Variants in ADAMTSL1 observed in about 807,000 individuals in gnomAD.
The protein encoded by ADAMTSL1 is ADAMTS like 1.
ADAMTSL1 carries 126 observed loss-of-function variants against 201.8 expected under a neutral mutation model. That is an observed-to-expected ratio of 0.62 (90% CI 0.54 to 0.72). The LOEUF is 0.72. Among genes scored for constraint, ADAMTSL1 ranks in the 30% least tolerant of loss-of-function variants. ADAMTSL1 has a pLI of 0.00. For synonymous variants in ADAMTSL1, 1,121 were observed against 903.4 expected (o/e 1.24, Z -4.32); for missense variants, 2,679 against 2,277.8 (o/e 1.18, Z -3.59).
At chr9:18,823,862 G>A (rs200528743) in intron 21 of ADAMTSL1, among the ~76,000 whole-genome samples, 12 of 152,216 alleles carry the variant, frequency 7.9e-5, no homozygotes, top group East Asian at 5.8e-4. Context: ...GGTGGTGCAC[G>A]CCTGTAATTC....
At chr9:18,248,604 A>T (rs186292984) in intron 2 of ADAMTSL1, among the ~76,000 whole-genome samples, 3 of 152,336 alleles carry the variant, frequency 2.0e-5, no homozygotes, top group East Asian at 3.9e-4. Flanking sequence ...AAGCAGTAGC[A>T]TATAAAAATC....
intron 1 of ADAMTSL1, among the ~76,000 whole-genome samples, chr9:17,948,573 C>T (rs949924891): frequency 6.6e-6 from 1 of 152,114 alleles, no homozygotes; most frequent in African/African-American, 2.4e-5. Flanking sequence ...AGAAAAGTAT[C>T]TAGGAAACAG....
chr9:18,635,436 A>C (rs528625773), intron 5 of ADAMTSL1, among the ~76,000 whole-genome samples: 1 of 152,076 alleles, frequency 6.6e-6, no homozygotes, highest in East Asian at 1.9e-4. Flanking sequence ...TTAGGAATAG[A>C]TATTGTGAAG....
chr9:18,540,773 G>T (rs1820083207), intron 3 of ADAMTSL1, among the ~76,000 whole-genome samples: 1 of 152,088 alleles, frequency 6.6e-6, no homozygotes, highest in South Asian at 2.1e-4. Context: ...TATATCCAAG[G>T]CAGGAGAGGG....
intron 2 of ADAMTSL1, among the ~76,000 whole-genome samples, chr9:18,283,932 A>AAAAAAAAAAAAAC: frequency 8.2e-6 from 1 of 121,248 alleles, no homozygotes; most frequent in East Asian, 2.0e-4. Context: ...AAAAAAAAAG[A>AAAAAAAAAAAAAC]AGAAGAAGAA....
At chr9:17,926,980 A>G (rs955605492) in intron 1 of ADAMTSL1, among the ~76,000 whole-genome samples, 9 of 152,180 alleles carry the variant, frequency 5.9e-5, no homozygotes, top group African/African-American at 1.7e-4. Context: ...ATGTTGTTGT[A>G]CAACCATCAT....
intron 1 of ADAMTSL1, among the ~76,000 whole-genome samples, chr9:17,949,927 C>G (rs75087723): frequency 0.012 from 1,855 of 151,272 alleles, 35 homozygotes; most frequent in African/African-American, 0.043. Flanking sequence ...TACCGTAGTG[C>G]TTTTTTTTTG....
chr9:18,634,911 T>TATAAATATGTATGTAAATATATATTTA (rs1564105504), intron 5 of ADAMTSL1, among the ~76,000 whole-genome samples: 4 of 81,432 alleles, frequency 4.9e-5, no homozygotes, highest in African/African-American at 3.3e-4. Flanking sequence ...ATATATTTAA[T>TATAAATATGTATGTAAATATATATTTA]ATATATATAT....
intron 2 of ADAMTSL1, among the ~76,000 whole-genome samples, chr9:18,431,020 C>G (rs564350132): frequency 5.3e-5 from 8 of 152,150 alleles, no homozygotes; most frequent in Admixed American, 3.3e-4. Context: ...GATGCGTACA[C>G]TAATCATTGA....
At chr9:18,388,266 T>A (rs563011901) in intron 2 of ADAMTSL1, among the ~76,000 whole-genome samples, 1 of 152,064 alleles carries the variant, frequency 6.6e-6, no homozygotes, top group Non-Finnish European at 1.5e-5. Flanking sequence ...TATACTTAAT[T>A]TTTTTGTTTT....
At chr9:18,514,315 T>C (rs899567147) in intron 2 of ADAMTSL1, among the ~76,000 whole-genome samples, 3 of 150,170 alleles carry the variant, frequency 2.0e-5, no homozygotes, top group Non-Finnish European at 4.4e-5. Context: ...GAATTGCAAC[T>C]GATTTTTCTT....
chr9:18,717,324 C>T (rs887530944), intron 14 of ADAMTSL1, among the ~76,000 whole-genome samples: 7 of 151,234 alleles, frequency 4.6e-5, no homozygotes, highest in South Asian at 4.2e-4. Flanking sequence ...CTGCCCATTT[C>T]CTTCCCAACA....
intron 26 of ADAMTSL1, among the ~76,000 whole-genome samples, chr9:18,901,167 T>C (rs1394573334): frequency 6.7e-6 from 1 of 150,232 alleles, no homozygotes; most frequent in African/African-American, 2.5e-5. Flanking sequence ...AAAAGAAAAA[T>C]TATAAAGTAC....
At chr9:18,127,466 C>A (rs995299005) in intron 1 of ADAMTSL1, among the ~76,000 whole-genome samples, 2 of 136,250 alleles carry the variant, frequency 1.5e-5, no homozygotes, top group Admixed American at 7.7e-5. Context: ...GTGGTGCATG[C>A]ATAGGCACAT....
chr9:17,983,064 C>CTTTTTTTTTTTTTT lies in ADAMTSL1; in HGVS notation c.87+76145_87+76146insTTTTTTTTTTTTTT, dbSNP rs202085722. Reference sequence around the variant, plus strand: ...TTTTCATTTTCTTTTTCTTTTCTTTCTTTCTTTCTTTCTTTTTTTTTTTTG... The same window carrying CTTTTTTTTTTTTTT: ...TTTTCATTTTCTTTTTCTTTTCTTTCTTTTTTTTTTTTTTTTTCTTTCTTTCTTTTTTTTTTTTG... On this transcript the variant is annotated intron_variant, in intron 1 of 29. Coordinates refer to the ADAMTSL1 transcript ENST00000680146. Among the ~76,000 whole-genome samples the CTTTTTTTTTTTTTT allele has an allele frequency of 3.4e-4, 30 of 88,584 alleles. 1 individual carries two copies. Among genetic ancestry groups the CTTTTTTTTTTTTTT allele is most frequent in the Admixed American group, 4.8e-4 (3 of 6,286 alleles). The allele number at this position is 88,584 out of a possible 152,430, so 58.1% of individuals were successfully genotyped here. A position where few individuals can be genotyped will look rare whatever the true frequency, so the allele number is the denominator to read the frequency against.
chr9:18,908,140 T>C (rs573720656), intron 28 of ADAMTSL1: 11 of 406,998 alleles, frequency 2.7e-5, no homozygotes, highest in East Asian at 1.7e-4. Flanking sequence ...CCCAAGAAGA[T>C]AGAGAAAACA....
intron 2 of ADAMTSL1, among the ~76,000 whole-genome samples, chr9:18,356,076 A>G (rs1836209306): frequency 6.6e-6 from 1 of 152,212 alleles, no homozygotes; most frequent in South Asian, 2.1e-4. Flanking sequence ...TGCACTGACA[A>G]TCTAAGAGTG....
rs148354667 is a variant in ADAMTSL1 at position 18,061,684 on chromosome 9, A to C, written c.88-102178A>C. Among the ~76,000 whole-genome samples, 723 of 152,358 alleles carry C rather than the reference A, an allele frequency of 4.7e-3. 5 individuals carry two copies. Among genetic ancestry groups the C allele is most frequent in the Admixed American group, 9.6e-3 (147 of 15,300 alleles). ...AGTATAAATATAGCATTCAGTACTC[A>C]TTGAAATGAATTTGTCTGAAGTTAG... On this transcript the variant is annotated intron_variant, in intron 1 of 29. Transcript: ENST00000680146.
intron 23 of ADAMTSL1, among the ~76,000 whole-genome samples, chr9:18,846,283 G>A (rs527886739): frequency 6.6e-6 from 1 of 150,418 alleles, no homozygotes; most frequent in Non-Finnish European, 1.5e-5. Context: ...CGATGGAAAT[G>A]GCAAGAGCTG....
Sources: allele counts gnomAD v4.1 joint callset (sites outside exome capture counted in the v4.1 genomes callset), GRCh38; gene constraint gnomAD v4.1.1; transcripts MANE v1.5; gene names NCBI Gene and HGNC (gene_info 2026-07-23, HGNC 2026-07-21).